RPS6KC1: variants seen among roughly 807,000 people sequenced by gnomAD.
The protein encoded by RPS6KC1 is inactive ribosomal protein S6 kinase delta-1.
In RPS6KC1, 54 loss-of-function variants were observed where a neutral mutation model predicts 103.8. The ratio of observed to expected loss-of-function variants is 0.52; its 90% CI spans 0.42 to 0.65. The LOEUF is 0.65. Among genes scored for constraint, RPS6KC1 ranks in the 30% least tolerant of loss-of-function variants. RPS6KC1 has a pLI of 0.00. For missense variants in RPS6KC1, 1,151 were observed against 1,253.8 expected, an observed-to-expected ratio of 0.92 and a Z score of 1.24; for synonymous variants, 439 against 438.7, an observed-to-expected ratio of 1.00 and a Z score of -0.01.
the RPS6KC1 span, among the ~76,000 whole-genome samples, chr1:213,723,198 TTC>T: frequency 6.6e-6 from 1 of 152,100 alleles, no homozygotes; most frequent in South Asian, 2.1e-4. Context: ...AAAGGGAGTA[TTC>T]TCTGTTTCCA....
At chr1:213,410,848 T>G in the RPS6KC1 span, among the ~76,000 whole-genome samples, 2 of 150,792 alleles carry the variant, frequency 1.3e-5, no homozygotes, top group Non-Finnish European at 3.0e-5. Flanking sequence ...AAAGGGAAAT[T>G]GAGGAAAAGA....
chr1:213,523,215 C>T, the RPS6KC1 span, among the ~76,000 whole-genome samples: 29 of 152,166 alleles, frequency 1.9e-4, no homozygotes, highest in African/African-American at 1.4e-4. Context: ...AGAACACACA[C>T]AATTTTTATG....
intron 8 of RPS6KC1, among the ~76,000 whole-genome samples, chr1:213,196,154 AT>A (rs886482602): frequency 4.0e-5 from 6 of 151,242 alleles, no homozygotes; most frequent in Non-Finnish European, 3.0e-5. Context: ...TTTTTTTTTG[AT>A]TTTTTAATTA....
At chr1:213,831,706 A>G in the RPS6KC1 span, among the ~76,000 whole-genome samples, 1 of 152,210 alleles carries the variant, frequency 6.6e-6, no homozygotes, top group Non-Finnish European at 1.5e-5. Context: ...AATTAATAGT[A>G]TCTGTCTTCT....
At chr1:213,083,729 T>A (rs1189497992) in intron 3 of RPS6KC1, among the ~76,000 whole-genome samples, 1 of 152,124 alleles carries the variant, frequency 6.6e-6, no homozygotes, top group Non-Finnish European at 1.5e-5. Context: ...GTTGGCCAGC[T>A]TCCAAGATGG....
intron 6 of RPS6KC1, among the ~76,000 whole-genome samples, chr1:213,154,427 G>A (rs1034157141): frequency 6.6e-5 from 10 of 152,226 alleles, no homozygotes; most frequent in African/African-American, 1.7e-4. Context: ...AAGTCTACCC[G>A]GTGTTATCTT....
chr1:213,604,561 G>C, the RPS6KC1 span, among the ~76,000 whole-genome samples: 1 of 152,176 alleles, frequency 6.6e-6, no homozygotes, highest in Admixed American at 6.5e-5. Context: ...GTCCCTGCTT[G>C]GTTTCCTGCT....
At chr1:213,484,233 T>C in the RPS6KC1 span, among the ~76,000 whole-genome samples, 12 of 152,234 alleles carry the variant, frequency 7.9e-5, no homozygotes, top group Non-Finnish European at 1.8e-4. Flanking sequence ...ATGTAGCAGA[T>C]GAAAACACCA....
At chr1:213,128,930 T>G (rs1481953762) in intron 5 of RPS6KC1, among the ~76,000 whole-genome samples, 1 of 152,196 alleles carries the variant, frequency 6.6e-6, no homozygotes, top group Non-Finnish European at 1.5e-5. Context: ...ATGCATTAAC[T>G]CTATTCCTCA....
At chr1:213,244,450 T>G (rs1425157275) in intron 12 of RPS6KC1, among the ~76,000 whole-genome samples, 2 of 152,162 alleles carry the variant, frequency 1.3e-5, no homozygotes, top group African/African-American at 4.8e-5. Flanking sequence ...TATTTCTTAT[T>G]TTTGTTGTTA....
At chr1:213,149,409 C>T (rs2088335209) in intron 6 of RPS6KC1, among the ~76,000 whole-genome samples, 1 of 152,140 alleles carries the variant, frequency 6.6e-6, no homozygotes. Flanking sequence ...ACTCACTGGT[C>T]ATTCAGGAAC....
chr1:213,694,333 C>T, the RPS6KC1 span, among the ~76,000 whole-genome samples: 1 of 152,128 alleles, frequency 6.6e-6, no homozygotes, highest in Non-Finnish European at 1.5e-5. Context: ...CTTTTTTCCT[C>T]TCTCTATTTT....
At chr1:213,570,782 C>A in the RPS6KC1 span, among the ~76,000 whole-genome samples, 1 of 152,128 alleles carries the variant, frequency 6.6e-6, no homozygotes, top group Non-Finnish European at 1.5e-5. Context: ...ACCCTTGTAC[C>A]ACTTGAGGGG....
the RPS6KC1 span, among the ~76,000 whole-genome samples, chr1:213,789,967 G>A: frequency 5.9e-5 from 9 of 152,134 alleles, no homozygotes; most frequent in Non-Finnish European, 2.9e-5. Flanking sequence ...GGTTTGTAAC[G>A]AAAGAGGAAC....
At chr1:213,225,349 T>TATAA (rs1211495242) in intron 8 of RPS6KC1, among the ~76,000 whole-genome samples, 1 of 151,950 alleles carries the variant, frequency 6.6e-6, no homozygotes, top group Non-Finnish European at 1.5e-5. Flanking sequence ...AGAAAGTAAA[T>TATAA]ATAAACAAAG....
chr1:213,563,787 C>G, the RPS6KC1 span, among the ~76,000 whole-genome samples: 1 of 151,814 alleles, frequency 6.6e-6, no homozygotes, highest in South Asian at 2.1e-4. Context: ...TAATTCTGAT[C>G]ATTTCTTTTC....
intron 3 of RPS6KC1, among the ~76,000 whole-genome samples, chr1:213,085,553 C>A (rs1031296790): frequency 6.6e-6 from 1 of 152,122 alleles, no homozygotes; most frequent in African/African-American, 2.4e-5. Flanking sequence ...ATTTAGCATC[C>A]ATTGATGATT....
At chr1:213,738,778 T>C in the RPS6KC1 span, among the ~76,000 whole-genome samples, 1 of 151,572 alleles carries the variant, frequency 6.6e-6, no homozygotes. Context: ...GTGGATCACT[T>C]GAGGTCAAGA....
the RPS6KC1 span, among the ~76,000 whole-genome samples, chr1:213,552,010 C>A: frequency 1.3e-5 from 2 of 152,298 alleles, no homozygotes; most frequent in South Asian, 4.1e-4. Context: ...TTTAAGTTTC[C>A]TCCATCTCTG....
Sources: gnomAD v4.1 joint callset for allele counts (sites outside exome capture counted in the v4.1 genomes callset) on GRCh38, gnomAD v4.1.1 for gene constraint, MANE v1.5 for transcripts, NCBI Gene and HGNC (gene_info 2026-07-23, HGNC 2026-07-21) for gene names.